NCOA7: variants seen among roughly 807,000 people sequenced by gnomAD.
NCOA7 encodes nuclear receptor coactivator 7.
In NCOA7, 45 loss-of-function variants were observed where a neutral mutation model predicts 104.3. The ratio of observed to expected loss-of-function variants is 0.43; its 90% CI spans 0.34 to 0.55. NCOA7 has a LOEUF of 0.55. Ranked by LOEUF, NCOA7 falls within the 20% of genes least tolerant of loss-of-function variation. The pLI, the probability that NCOA7 is intolerant of heterozygous loss-of-function variation, is 0.02. For synonymous variants in NCOA7, 398 were observed against 402.3 expected (o/e 0.99, Z 0.13); for missense variants, 1,041 against 1,119.7 (o/e 0.93, Z 1.00).
chr6:125,786,669 C>T (rs1016942281), upstream of NCOA7, among the ~76,000 whole-genome samples: 1 of 150,596 alleles, frequency 6.6e-6, no homozygotes, highest in Non-Finnish European at 1.5e-5. Context: ...CTCTCCCTCT[C>T]GGGTTCAAGT....
At chr6:125,911,835 C>T (rs935408954) in intron 10 of NCOA7, among the ~76,000 whole-genome samples, 2 of 152,172 alleles carry the variant, frequency 1.3e-5, no homozygotes, top group East Asian at 3.9e-4. Flanking sequence ...GCTCCCGTTC[C>T]ATGGTCGTAC....
At position 125,878,274 on chromosome 6, in the gene NCOA7, G is replaced by A. The variant is rs12197161; in HGVS notation, c.363G>A (p.Gln121=). Residue 121 remains glutamine, a synonymous_variant, in exon 5 of 16, where the codon CAG becomes CAA. Coordinates refer to ENST00000392477, the MANE Select transcript of NCOA7 (RefSeq NM_181782.5). ...TTTGATTATTCTAGGCTGGAAACCA[G>A]GACACCCTAAACTCCATAGCACTGA... ...HGTMEYTAGN[Q]DTLNSIALKF... 6,496 of 1,607,520 alleles carry A rather than the reference G, an allele frequency of 4.0e-3. 17 individuals carry two copies. The highest frequency in any genetic ancestry group is 5.2e-3 in the Non-Finnish European group (6,074 of 1,177,428).
In NCOA7 at chr6:125,920,337, G is replaced by A. The variant is rs1262538447; in HGVS notation, c.2245-606G>A. Reference sequence around the variant, plus strand: ...GCACAACCTTAAGAGAAAACATCAGGAACCTGATTAAAAACTATCCTCATC... The same window carrying A: ...GCACAACCTTAAGAGAAAACATCAGAAACCTGATTAAAAACTATCCTCATC... On this transcript the variant is annotated intron_variant, in intron 11 of 15. Transcript: ENST00000392477. 2.0e-5 allele frequency among the ~76,000 whole-genome samples: 3 copies of A among 152,128 alleles called. No individual in the cohort carries two copies. The East Asian group carries it at 5.8e-4, about 29-fold the overall frequency.
chr6:125,808,863 A>T (rs558437817), intron 1 of NCOA7, among the ~76,000 whole-genome samples: 2 of 152,330 alleles, frequency 1.3e-5, no homozygotes, highest in African/African-American at 4.8e-5. Flanking sequence ...AGGAGATTTG[A>T]TGGCATCTCT....
chr6:125,928,936 G>C lies in NCOA7; in HGVS notation c.*165G>C, dbSNP rs1406649169. On this transcript the variant is annotated 3_prime_UTR_variant, in exon 16 of 16. Coordinates refer to ENST00000392477, the MANE Select transcript of NCOA7 (RefSeq NM_181782.5). ...ATCACATTGCAGAAAGATTCTGGAA[G>C]GTCCATGTAGAGGGCAGACATTGAA... 10 of 715,444 alleles carry C rather than the reference G, an allele frequency of 1.4e-5. No individual in the cohort carries two copies. The East Asian group carries it at 3.0e-4, about 21-fold the overall frequency. The allele number at this position is 715,444 out of a possible 1,614,324, so 44.3% of individuals were successfully genotyped here.
At position 125,792,245 on chromosome 6, in the gene NCOA7, A is replaced by C. The variant is rs11964941; in HGVS notation, c.-65+1178A>C. Among the ~76,000 whole-genome samples the C allele has an allele frequency of 8.9e-3, 1,359 of 152,328 alleles. 24 individuals are homozygous for C. The highest frequency in any genetic ancestry group is 0.031 in the African/African-American group (1,300 of 41,558). On this transcript the variant is annotated intron_variant, in intron 1 of 15. Transcript: ENST00000392477. ...ATTTCAAAAATTGCCTCTTTGTATA[A>C]ATAGGCAAACTCAGTTATTTTAACA...
chr6:125,884,456 G>C (rs891047747), intron 7 of NCOA7, among the ~76,000 whole-genome samples: 1 of 152,190 alleles, frequency 6.6e-6, no homozygotes, highest in African/African-American at 2.4e-5. Context: ...CCTAAAGGAA[G>C]TTATCTGTAT....
chr6:125,929,757 G>A lies in NCOA7; in HGVS notation c.*986G>A, dbSNP rs1212297759. 2 of 152,060 alleles carry A rather than the reference G, an allele frequency of 1.3e-5. No individual in the cohort carries two copies. Among genetic ancestry groups the A allele is most frequent in the Non-Finnish European group, 1.5e-5 (1 of 67,966 alleles). 9.4% of individuals were successfully genotyped at this position (152,060 alleles called of 1,614,324 possible). ...ACAAATCCTGCTTTTGAAAAAAAAT[G>A]TTTTGCTTCTTACAAAATCATTTGT... On this transcript the variant is annotated 3_prime_UTR_variant, in exon 16 of 16. Coordinates refer to ENST00000392477, the MANE Select transcript of NCOA7 (RefSeq NM_181782.5).
Position 125,882,435 on chromosome 6 carries a change from T to G in NCOA7, c.583T>G (p.Leu195Val), listed in dbSNP as rs1183140371. 10 of 1,612,908 alleles carry G rather than the reference T, an allele frequency of 6.2e-6. No homozygotes were observed. Among genetic ancestry groups the G allele is most frequent in the Non-Finnish European group, 8.5e-6 (10 of 1,179,680 alleles). ...TTTTTGCTTTCACAAGGATGCTGACTTAGCACGAAAGGCCTTGAAACCCAT... is the reference window on the plus strand; with the variant it reads ...TTTTTGCTTTCACAAGGATGCTGACGTAGCACGAAAGGCCTTGAAACCCAT... ...AEYDKLPDAD[L>V]ARKALKPIER... The change falls in exon 7 of 16, where the codon TTA (leucine) becomes GTA (valine). Residue 195 changes from leucine (L) to valine (V), a missense_variant. This residue lies in a region of NCOA7 where 914 missense variants were observed against 942.7 expected (regional missense o/e 0.97). Transcript: ENST00000392477.
intron 10 of NCOA7, among the ~76,000 whole-genome samples, chr6:125,891,189 T>C (rs747403756): frequency 4.6e-5 from 7 of 152,220 alleles, no homozygotes; most frequent in Non-Finnish European, 7.3e-5. Context: ...ATTATAATTT[T>C]CAAAGTGCTT....
chr6:125,789,750 A>G (rs761350492), upstream of NCOA7, among the ~76,000 whole-genome samples: 14 of 152,256 alleles, frequency 9.2e-5, no homozygotes, highest in Middle Eastern at 3.2e-3. Flanking sequence ...ACCACTGTTA[A>G]CGCTTTGCTC....
chr6:125,785,117 C>T (rs192128237), intron 1 of NCOA7, among the ~76,000 whole-genome samples: 336 of 152,220 alleles, frequency 2.2e-3, no homozygotes, highest in African/African-American at 7.6e-3. Flanking sequence ...GCAGGTGGAT[C>T]GCCTGAGGTC....
At chr6:125,823,458 T>A (rs1327888056) in intron 2 of NCOA7, among the ~76,000 whole-genome samples, 1 of 152,238 alleles carries the variant, frequency 6.6e-6, no homozygotes, top group Admixed American at 6.5e-5. Context: ...TATTTGACAG[T>A]ATTACAAATT....
chr6:125,840,868 GTTTTTTTTTTTTTTTTTTTTTTTTTTT>G lies in NCOA7; in HGVS notation c.51-14136_51-14110del, dbSNP rs57168444. 4.0e-4 allele frequency among the ~76,000 whole-genome samples: 16 copies of G among 40,372 alleles called. 1 individual carries two copies. Among genetic ancestry groups the G allele is most frequent in the African/African-American group, 1.4e-3 (14 of 9,658 alleles). The allele number at this position is 40,372 out of a possible 152,430, so 26.5% of individuals were successfully genotyped here. A position where few individuals can be genotyped will look rare whatever the true frequency, so the allele number is the denominator to read the frequency against. On this transcript the variant is annotated intron_variant, in intron 2 of 15. Transcript: ENST00000392477. Reference sequence around the variant, plus strand: ...TTTTATGGTTTTTTTTGTTTGGTTGGTTTTTTTTTTTTTTTTTTTTTTTTTTTTTTTTTTTTTTTTTTGAGACAGAGT... The same window carrying G: ...TTTTATGGTTTTTTTTGTTTGGTTGGTTTTTTTTTTTTTTTGAGACAGAGT...
intron 1 of NCOA7, among the ~76,000 whole-genome samples, chr6:125,812,080 T>C (rs1490650284): frequency 6.6e-6 from 1 of 152,202 alleles, no homozygotes; most frequent in African/African-American, 2.4e-5. Flanking sequence ...AATCATAGTG[T>C]GGTTGAAAGA....
intron 1 of NCOA7, chr6:125,797,760 G>A (rs1013884709): frequency 6.6e-6 from 1 of 152,202 alleles, no homozygotes; most frequent in Non-Finnish European, 1.5e-5. Flanking sequence ...GGTTGCAGGT[G>A]TTTACAGCTG....
chr6:125,784,671 CTG>C (rs897754519), intron 1 of NCOA7, among the ~76,000 whole-genome samples: 1 of 152,166 alleles, frequency 6.6e-6, no homozygotes, highest in African/African-American at 2.4e-5. Context: ...GTTAAACAAA[CTG>C]TGGTACATCG....
In NCOA7 at chr6:125,928,714, T is replaced by G; in HGVS notation, c.2772T>G (p.Ile924Met). 6.2e-7 allele frequency: 1 copy of G among 1,613,792 alleles called. No homozygotes were observed. The highest frequency in any genetic ancestry group is 8.5e-7 in the Non-Finnish European group (1 of 1,179,830). ...CTTGCAGCACTTTCAATAATGATAT[T>G]CTTTCCAAAAAGGAAGACTTCATAG... ...SNSCSTFNNDILSKKEDFIVQ... is the reference protein window; with the variant it reads ...SNSCSTFNNDMLSKKEDFIVQ... Residue 924 changes from isoleucine (I) to methionine (M), a missense_variant, in exon 16 of 16, where the codon ATT becomes ATG. Around this residue, in one of 2 missense-constraint regions of NCOA7, gnomAD observed 127 missense variants for 177.0 expected, o/e 0.72. Coordinates refer to ENST00000392477, the MANE Select transcript of NCOA7 (RefSeq NM_181782.5).
chr6:125,866,577 G>A (rs1268131979), intron 3 of NCOA7, among the ~76,000 whole-genome samples: 4 of 152,080 alleles, frequency 2.6e-5, no homozygotes, highest in Non-Finnish European at 4.4e-5. Flanking sequence ...TCCATTTTGT[G>A]CACTGGGAGA....
Sources: gnomAD v4.1 joint callset for allele counts (sites outside exome capture counted in the v4.1 genomes callset) on GRCh38, gnomAD v4.1.1 for gene constraint, gnomAD v4.1.1 regional missense constraint, MANE v1.5 for transcripts, NCBI Gene and HGNC (gene_info 2026-07-23, HGNC 2026-07-21) for gene names.